The following LAMA2 variants were observed in gnomAD, a reference collection of about 807,000 sequenced individuals.
LAMA2 encodes the protein laminin subunit alpha 2.
Under a neutral mutation model 364.8 loss-of-function variants are expected in LAMA2, and 269 were observed. That is an observed-to-expected ratio of 0.74 (90% confidence interval 0.67 to 0.82). The LOEUF is 0.82. Ranked by LOEUF, LAMA2 falls within the 40% of genes least tolerant of loss-of-function variation. LAMA2 has a pLI of 0.00. For synonymous variants in LAMA2, 1,379 were observed against 1,370.6 expected (o/e 1.01, Z -0.14); for missense variants, 3,807 against 3,873.2 (o/e 0.98, Z 0.45).
chr6:129,097,299 G>A (rs868576255), intron 3 of LAMA2, among the ~76,000 whole-genome samples: 3 of 152,124 alleles, frequency 2.0e-5, no homozygotes, highest in African/African-American at 7.2e-5. Flanking sequence ...GTACATAAAT[G>A]TCATTCCATA....
chr6:129,146,843 A>G (rs1217082480), intron 5 of LAMA2, 116 bp from the exon 6 acceptor site: 22 of 760,976 alleles, frequency 2.9e-5, no homozygotes, highest in South Asian at 5.6e-5. Flanking sequence ...AGAAACACAA[A>G]TGTCCTTCAA....
rs555643573 is a variant in LAMA2 at position 129,251,966 on chromosome 6, T to A, written c.1885-118T>A. On this transcript the variant is annotated intron_variant, in intron 13 of 64. Transcript: ENST00000421865. ...AAAATAAATAAATAAAAAATAAACA[T>A]AAATTTTTAAAGTTAAAAGTCTATT... 1.1e-5 allele frequency: 7 copies of A among 663,894 alleles called. No homozygotes were observed. The South Asian group carries it at 1.3e-4, about 13-fold the overall frequency. 41.1% of individuals were successfully genotyped at this position (663,894 alleles called of 1,614,324 possible).
intron 1 of LAMA2, among the ~76,000 whole-genome samples, chr6:128,931,443 G>T (rs2114516320): frequency 6.6e-6 from 1 of 152,302 alleles, no homozygotes; most frequent in South Asian, 2.1e-4. Flanking sequence ...ATGAACGAAT[G>T]AAATTAAGGT....
At chr6:129,014,108 TC>T (rs1784934795) in intron 1 of LAMA2, among the ~76,000 whole-genome samples, 1 of 152,076 alleles carries the variant, frequency 6.6e-6, no homozygotes, top group African/African-American at 2.4e-5. Flanking sequence ...ATGGAATAGA[TC>T]GGGAGGGGTG....
rs145103282 is a variant in LAMA2, at chr6:129,210,372, C to T, written c.1782+17519C>T. On this transcript the variant is annotated intron_variant, in intron 12 of 64. Transcript: ENST00000421865. ...TGTAAATACAAATTTATTTATCAATCTCATTAGAAACCGAACCACGCATGT... is the reference window on the plus strand; with the variant it reads ...TGTAAATACAAATTTATTTATCAATTTCATTAGAAACCGAACCACGCATGT... Among the ~76,000 whole-genome samples, 308 of 151,274 alleles carry T rather than the reference C, an allele frequency of 2.0e-3. 1 individual carries two copies. The highest frequency in any genetic ancestry group is 0.017 in the Admixed American group (265 of 15,224).
At chr6:128,932,960 C>G (rs934540316) in intron 1 of LAMA2, among the ~76,000 whole-genome samples, 4 of 152,132 alleles carry the variant, frequency 2.6e-5, no homozygotes, top group African/African-American at 4.8e-5. Context: ...CATCTTATAA[C>G]TGAAACTGTG....
chr6:129,224,710 T>G (rs901984260), intron 12 of LAMA2, among the ~76,000 whole-genome samples: 5 of 152,234 alleles, frequency 3.3e-5, no homozygotes, highest in Admixed American at 2.6e-4. Context: ...GATAAGCTTT[T>G]TGATGTGCTG....
At chr6:129,349,089 TA>T (rs1333718222) in intron 30 of LAMA2, among the ~76,000 whole-genome samples, 1 of 152,182 alleles carries the variant, frequency 6.6e-6, no homozygotes, top group Admixed American at 6.5e-5. Flanking sequence ...TAATCCATCA[TA>T]AACCAAACAA....
At chr6:129,224,204 A>G (rs1184224344) in intron 12 of LAMA2, among the ~76,000 whole-genome samples, 1 of 152,204 alleles carries the variant, frequency 6.6e-6, no homozygotes, top group African/African-American at 2.4e-5. Flanking sequence ...TTGTATCCTG[A>G]GACTTTGGTG....
intron 16 of LAMA2, among the ~76,000 whole-genome samples, chr6:129,268,430 C>T (rs1012044466): frequency 2.0e-5 from 3 of 152,028 alleles, no homozygotes; most frequent in Non-Finnish European, 2.9e-5. Flanking sequence ...AATTGTTTTA[C>T]TTACCCTAAG....
chr6:129,215,930 CT>C (rs1229172679), intron 12 of LAMA2, among the ~76,000 whole-genome samples: 1 of 152,116 alleles, frequency 6.6e-6, no homozygotes, highest in Non-Finnish European at 1.5e-5. Flanking sequence ...CTTTTCTTCT[CT>C]TCTTTGGTTT....
At chr6:129,339,831 C>T (rs957136630) in intron 29 of LAMA2, among the ~76,000 whole-genome samples, 8 of 151,962 alleles carry the variant, frequency 5.3e-5, no homozygotes, top group African/African-American at 9.7e-5. Flanking sequence ...GGTGAAACCC[C>T]GTCTTTACTG....
At chr6:129,050,944 A>G (rs1329050766) in intron 2 of LAMA2, among the ~76,000 whole-genome samples, 1 of 152,162 alleles carries the variant, frequency 6.6e-6, no homozygotes, top group Non-Finnish European at 1.5e-5. Flanking sequence ...TCCTACTAGC[A>G]AAGCATTGTA....
At chr6:128,974,333 C>T (rs1160765435) in intron 1 of LAMA2, among the ~76,000 whole-genome samples, 1 of 152,180 alleles carries the variant, frequency 6.6e-6, no homozygotes, top group Non-Finnish European at 1.5e-5. Flanking sequence ...GAAGACATGC[C>T]TCCATGACTC....
At chr6:128,905,367 A>G (rs937246919) in intron 1 of LAMA2, 2 of 152,028 alleles carry the variant, frequency 1.3e-5, no homozygotes, top group South Asian at 4.1e-4. Context: ...TCACTTTCCT[A>G]AATTTTAACT....
At chr6:129,155,957 G>C (rs542109311) in intron 8 of LAMA2, among the ~76,000 whole-genome samples, 29 of 152,008 alleles carry the variant, frequency 1.9e-4, no homozygotes, top group African/African-American at 6.0e-4. Flanking sequence ...AGCTTGAGGA[G>C]ATGTTGGTCA....
At chr6:129,167,012 A>G (rs1468179594) in intron 9 of LAMA2, among the ~76,000 whole-genome samples, 3 of 152,206 alleles carry the variant, frequency 2.0e-5, no homozygotes, top group Non-Finnish European at 4.4e-5. Flanking sequence ...CTTATTCCAT[A>G]TAATTACTTT....
chr6:129,276,140 CCTTTTCAGTTATGTGTGA>C (rs1479457075), intron 17 of LAMA2, among the ~76,000 whole-genome samples: 1 of 151,954 alleles, frequency 6.6e-6, no homozygotes, highest in Admixed American at 6.6e-5. Flanking sequence ...AGTCCCTGCC[CCTTTTCAGTTATGTGTGA>C]ATATTCTCAT....
At chr6:129,268,673 T>A (rs184544741) in intron 16 of LAMA2, among the ~76,000 whole-genome samples, 3 of 152,198 alleles carry the variant, frequency 2.0e-5, no homozygotes, top group Non-Finnish European at 4.4e-5. Flanking sequence ...CAGACCCTAC[T>A]AATGATGCCT....
Sources: allele counts gnomAD v4.1 joint callset (sites outside exome capture counted in the v4.1 genomes callset), GRCh38; gene constraint gnomAD v4.1.1; transcripts MANE v1.5; gene names NCBI Gene and HGNC (gene_info 2026-07-23, HGNC 2026-07-21).